The following ESRRG variants were observed in gnomAD, a reference collection of about 807,000 sequenced individuals.
ESRRG encodes the protein estrogen-related receptor gamma.
In ESRRG, 13 loss-of-function variants were observed where a neutral mutation model predicts 44.0. That is an observed-to-expected ratio of 0.30 (90% confidence interval 0.19 to 0.47). The LOEUF is 0.47. Among genes scored for constraint, ESRRG ranks in the 20% least tolerant of loss-of-function variants. The probability of loss-of-function intolerance (pLI) is 1.00; values close to 1 mark genes in which losing one functional copy is unlikely to be tolerated. For missense variants in ESRRG, 395 were observed against 580.6 expected, an observed-to-expected ratio of 0.68 and a Z score of 3.29; for synonymous variants, 215 against 214.6, an observed-to-expected ratio of 1.00 and a Z score of -0.02.
At chr1:216,631,423 T>A (rs922998101) in intron 3 of ESRRG, among the ~76,000 whole-genome samples, 9 of 152,188 alleles carry the variant, frequency 5.9e-5, no homozygotes, top group Non-Finnish European at 1.3e-4. Context: ...ACATCATATT[T>A]CAATGGATTA....
chr1:216,846,330 A>G (rs925135837), intron 2 of ESRRG, among the ~76,000 whole-genome samples: 2 of 152,162 alleles, frequency 1.3e-5, no homozygotes, highest in Admixed American at 6.6e-5. Flanking sequence ...AGAAATTACT[A>G]GGTTATTTTT....
chr1:216,729,733 C>G (rs1283730994), intron 2 of ESRRG, among the ~76,000 whole-genome samples: 3 of 152,128 alleles, frequency 2.0e-5, no homozygotes, highest in Non-Finnish European at 2.9e-5. Context: ...TGCTTGTACT[C>G]CATTTCTCTT....
chr1:216,562,058 G>C (rs2058849756), intron 5 of ESRRG, among the ~76,000 whole-genome samples: 1 of 152,132 alleles, frequency 6.6e-6, no homozygotes, highest in Admixed American at 6.6e-5. Flanking sequence ...TGCACAGTCG[G>C]ACCTACATAT....
chr1:216,816,927 A>G (rs1222406401), intron 2 of ESRRG, among the ~76,000 whole-genome samples: 1 of 152,220 alleles, frequency 6.6e-6, no homozygotes, highest in Non-Finnish European at 1.5e-5. Flanking sequence ...AACATTCCTT[A>G]AACTTTCAGT....
chr1:216,780,007 GTCT>G (rs2093869447), intron 2 of ESRRG, among the ~76,000 whole-genome samples: 1 of 151,622 alleles, frequency 6.6e-6, no homozygotes, highest in Admixed American at 6.6e-5. Context: ...CTTCTGCCTT[GTCT>G]TCTTCTACAT....
intron 2 of ESRRG, among the ~76,000 whole-genome samples, chr1:216,860,768 A>G (rs2096038838): frequency 6.6e-6 from 1 of 152,170 alleles, no homozygotes; most frequent in Non-Finnish European, 1.5e-5. Context: ...AGAAAATGAT[A>G]CCAGATGGAT....
intron 1 of ESRRG, chr1:216,707,288 C>T (rs1392618737): frequency 1.0e-5 from 15 of 1,493,146 alleles, no homozygotes; most frequent in Admixed American, 2.0e-5. Context: ...ATACAAGTAA[C>T]GTTGAGCATT....
chr1:216,854,348 A>G (rs893481549), intron 2 of ESRRG, among the ~76,000 whole-genome samples: 1 of 111,268 alleles, frequency 9.0e-6, no homozygotes, highest in African/African-American at 3.6e-5. Context: ...AGAGCAAGAC[A>G]CCATCAAAAA....
intron 3 of ESRRG, among the ~76,000 whole-genome samples, chr1:216,643,928 C>T (rs2066969389): frequency 6.6e-6 from 1 of 152,156 alleles, no homozygotes; most frequent in East Asian, 1.9e-4. Flanking sequence ...GGCCTACCAA[C>T]AGATGCAGGC....
chr1:216,902,577 A>C (rs569360877), intron 2 of ESRRG, among the ~76,000 whole-genome samples: 1 of 152,210 alleles, frequency 6.6e-6, no homozygotes, highest in South Asian at 2.1e-4. Flanking sequence ...TCTTCTGTTC[A>C]TGCTCCCACA....
intron 2 of ESRRG, among the ~76,000 whole-genome samples, chr1:216,746,818 G>A (rs1299606389): frequency 6.6e-6 from 1 of 152,138 alleles, no homozygotes; most frequent in Non-Finnish European, 1.5e-5. Flanking sequence ...CTGTTCATCA[G>A]ATAAATGAAG....
intron 4 of ESRRG, among the ~76,000 whole-genome samples, chr1:216,567,748 T>A (rs1353144306): frequency 6.6e-6 from 1 of 151,974 alleles, no homozygotes; most frequent in Non-Finnish European, 1.5e-5. Flanking sequence ...TTCCACAAAA[T>A]GACTAGGTTA....
At chr1:216,898,835 T>C (rs1307757582) in intron 2 of ESRRG, among the ~76,000 whole-genome samples, 2 of 152,140 alleles carry the variant, frequency 1.3e-5, no homozygotes, top group African/African-American at 4.8e-5. Context: ...ACTATTGTTT[T>C]TATGGGAAAA....
At chr1:217,108,461 G>A (rs1334670422) in intron 1 of ESRRG, among the ~76,000 whole-genome samples, 1 of 152,094 alleles carries the variant, frequency 6.6e-6, no homozygotes, top group East Asian at 1.9e-4. Context: ...ATATAGTTTG[G>A]ATGCTTGTCC....
At chr1:216,819,148 T>C (rs1432412061) in intron 2 of ESRRG, among the ~76,000 whole-genome samples, 3 of 152,194 alleles carry the variant, frequency 2.0e-5, no homozygotes, top group Non-Finnish European at 4.4e-5. Context: ...TCTAGATCTT[T>C]AAGGAATTGT....
chr1:217,129,500 C>T (rs1558293590), intron 1 of ESRRG, among the ~76,000 whole-genome samples: 1 of 152,168 alleles, frequency 6.6e-6, no homozygotes, highest in African/African-American at 2.4e-5. Flanking sequence ...CAGGTGTTCA[C>T]AGCAGCATTA....
chr1:217,116,677 T>A (rs1217666997), intron 1 of ESRRG, among the ~76,000 whole-genome samples: 1 of 152,154 alleles, frequency 6.6e-6, no homozygotes. Flanking sequence ...GCAACCAAGA[T>A]GCTTCCTACT....
intron 2 of ESRRG, among the ~76,000 whole-genome samples, chr1:216,667,391 A>C (rs1212301636): frequency 6.6e-6 from 1 of 152,198 alleles, no homozygotes; most frequent in Non-Finnish European, 1.5e-5. Context: ...ATATAAAGAT[A>C]GAACTAAGTT....
At chr1:216,880,357 T>G (rs1298440680) in intron 2 of ESRRG, among the ~76,000 whole-genome samples, 1 of 147,174 alleles carries the variant, frequency 6.8e-6, no homozygotes, top group East Asian at 2.0e-4. Context: ...CTTAAATACT[T>G]TCAGAACACT....
Sources: allele counts gnomAD v4.1 joint callset (sites outside exome capture counted in the v4.1 genomes callset), GRCh38; gene constraint gnomAD v4.1.1; transcripts MANE v1.5; gene names NCBI Gene and HGNC (gene_info 2026-07-23, HGNC 2026-07-21).